Variants in IL17RD observed in about 807,000 individuals in gnomAD.
The protein encoded by IL17RD is interleukin-17 receptor D.
In IL17RD, 52 loss-of-function variants were observed where a neutral mutation model predicts 80.5. The observed-to-expected ratio is 0.65, with a 90% CI of 0.52 to 0.81. The LOEUF is 0.81. Among genes scored for constraint, IL17RD ranks in the 40% least tolerant of loss-of-function variants. The probability of loss-of-function intolerance (pLI) is 0.00; values close to 1 mark genes in which losing one functional copy is unlikely to be tolerated. For missense variants in IL17RD, 1,024 were observed against 955.1 expected, an observed-to-expected ratio of 1.07 and a Z score of -0.95; for synonymous variants, 416 against 391.8, an observed-to-expected ratio of 1.06 and a Z score of -0.73.
intron 11 of IL17RD, 60 bp from the exon 12 acceptor site, chr3:57,098,598 G>A: frequency 8.8e-7 from 1 of 1,130,988 alleles, no homozygotes; most frequent in Non-Finnish European, 1.3e-6. Context: ...CTCGGGAAGT[G>A]AGTAACAGGA....
intron 2 of IL17RD, among the ~76,000 whole-genome samples, chr3:57,118,664 A>G (rs2107496302): frequency 6.6e-6 from 1 of 152,308 alleles, no homozygotes; most frequent in Non-Finnish European, 1.5e-5. Flanking sequence ...TTCAGTCAGA[A>G]AGAGTCACCC....
At chr3:57,123,038 C>T (rs1330478140) in intron 1 of IL17RD, among the ~76,000 whole-genome samples, 2 of 152,008 alleles carry the variant, frequency 1.3e-5, no homozygotes, top group Non-Finnish European at 2.9e-5. Context: ...TGGAAAGGAG[C>T]CCAAGACAGT....
intron 10 of IL17RD, 117 bp from the exon 11 acceptor site, chr3:57,101,480 T>G: frequency 1.6e-6 from 1 of 624,266 alleles, no homozygotes; most frequent in Non-Finnish European, 2.7e-6. Context: ...AGCAGTCCCA[T>G]TCCCCAACTC....
chr3:57,132,298 T>C (rs1579296975), intron 1 of IL17RD, among the ~76,000 whole-genome samples: 1 of 148,228 alleles, frequency 6.7e-6, no homozygotes, highest in Non-Finnish European at 1.5e-5. Context: ...TGGCTAATAA[T>C]ACAAAAAAAA....
chr3:57,099,054 C>T (rs917009144), intron 11 of IL17RD, among the ~76,000 whole-genome samples: 2 of 152,180 alleles, frequency 1.3e-5, no homozygotes, highest in African/African-American at 2.4e-5. Flanking sequence ...ATGCCAGTCA[C>T]CCACAATTAT....
Position 57,092,494 on chromosome 3 carries a change from CAGG to C in IL17RD, c.*3896_*3898del, listed in dbSNP as rs1190856499. 2 of 151,920 alleles carry C rather than the reference CAGG, an allele frequency of 1.3e-5. No individual in the cohort carries two copies. Among genetic ancestry groups the C allele is most frequent in the African/African-American group, 4.8e-5 (2 of 41,328 alleles). The allele number at this position is 151,920 out of a possible 1,614,324, so 9.4% of individuals were successfully genotyped here. On this transcript the variant is annotated 3_prime_UTR_variant, in exon 13 of 13. Transcript: ENST00000296318. ...GTCCCAGCTACTCAGGAGGCTGAGG[CAGG>C]AGAATGGCGTGAACCCGGGAGGTGG...
chr3:57,137,023 G>A (rs922680613), intron 1 of IL17RD, among the ~76,000 whole-genome samples: 3 of 152,190 alleles, frequency 2.0e-5, no homozygotes, highest in African/African-American at 7.2e-5. Flanking sequence ...TGTCTTCAGA[G>A]GAGGCATGTC....
intron 11 of IL17RD, 53 bp downstream of exon 11, chr3:57,101,126 G>T: frequency 6.8e-7 from 1 of 1,470,632 alleles, no homozygotes; most frequent in Non-Finnish European, 9.4e-7. Context: ...CGGGGAGAGA[G>T]TACAGGGCAA....
In IL17RD at chr3:57,127,395, AAT is replaced by A. The variant is rs369292371; in HGVS notation, c.127-7084_127-7083del. Among the ~76,000 whole-genome samples the A allele has an allele frequency of 3.8e-3, 325 of 86,598 alleles. 23 individuals carry two copies. The highest frequency in any genetic ancestry group is 0.015 in the African/African-American group (260 of 17,802). 56.8% of individuals were successfully genotyped at this position (86,598 alleles called of 152,430 possible). A position where few individuals can be genotyped will look rare whatever the true frequency, so the allele number is the denominator to read the frequency against. On this transcript the variant is annotated intron_variant, in intron 1 of 12. Coordinates refer to ENST00000296318, the MANE Select transcript of IL17RD (RefSeq NM_017563.5). ...ATATATATAAATAAATAAATAAATA[AAT>A]ATATATATATATATATTTTTTTTTT...
intron 1 of IL17RD, among the ~76,000 whole-genome samples, chr3:57,127,412 A>ATATATATTTTTTTT (rs1246159104): frequency 2.2e-5 from 2 of 91,216 alleles, no homozygotes; most frequent in African/African-American, 9.8e-5. Flanking sequence ...ATATATATAT[A>ATATATATTTTTTTT]TTTTTTTTTT....
At chr3:57,134,838 G>C (rs1342897493) in intron 1 of IL17RD, 6 of 362,550 alleles carry the variant, frequency 1.7e-5, no homozygotes, top group Non-Finnish European at 3.2e-5. Flanking sequence ...TGGGGGCTAG[G>C]TGTGGTGGCT....
upstream of IL17RD, among the ~76,000 whole-genome samples, chr3:57,166,558 A>G (rs1045289608): frequency 2.0e-5 from 3 of 151,758 alleles, no homozygotes; most frequent in Non-Finnish European, 4.4e-5. Context: ...ACCACCAACA[A>G]AAAAAAACAG....
At chr3:57,120,701 C>T (rs894970375) in intron 1 of IL17RD, among the ~76,000 whole-genome samples, 3 of 152,234 alleles carry the variant, frequency 2.0e-5, no homozygotes, top group South Asian at 2.1e-4. Flanking sequence ...CTACTCCAGA[C>T]GCCCTCATCC....
chr3:57,127,059 A>T (rs931901138), intron 1 of IL17RD, among the ~76,000 whole-genome samples: 1 of 150,532 alleles, frequency 6.6e-6, no homozygotes, highest in Non-Finnish European at 1.5e-5. Flanking sequence ...TCCTGACCTC[A>T]GGTGATCCAC....
intron 1 of IL17RD, among the ~76,000 whole-genome samples, chr3:57,123,128 G>T (rs9861847): frequency 1.3e-5 from 2 of 152,136 alleles, no homozygotes; most frequent in East Asian, 1.9e-4. Flanking sequence ...CTGTTCAGAG[G>T]GGGGTCCAGT....
chr3:57,142,681 G>A (rs1035994039), intron 1 of IL17RD: 2 of 157,058 alleles, frequency 1.3e-5, no homozygotes, highest in Admixed American at 1.3e-4. Context: ...AAAGTTGGGC[G>A]GGGCGGGGGG....
intron 1 of IL17RD, among the ~76,000 whole-genome samples, chr3:57,163,506 A>C (rs1353046153): frequency 6.6e-6 from 1 of 152,114 alleles, no homozygotes; most frequent in Non-Finnish European, 1.5e-5. Flanking sequence ...TGGCAACTGC[A>C]GCAAAACAGT....
intron 7 of IL17RD, among the ~76,000 whole-genome samples, chr3:57,104,731 G>C (rs1462339686): frequency 1.3e-5 from 2 of 152,178 alleles, no homozygotes; most frequent in Non-Finnish European, 2.9e-5. Flanking sequence ...GAAATTACCA[G>C]TCTGTGTTTA....
At chr3:57,097,548 T>C in intron 12 of IL17RD, 48 bp downstream of exon 12, 1 of 1,422,824 alleles carries the variant, frequency 7.0e-7, no homozygotes, top group East Asian at 2.5e-5. Flanking sequence ...TTCAGAAGCA[T>C]GGTCAAAGGC....
Sources: gnomAD v4.1 joint callset for allele counts (sites outside exome capture counted in the v4.1 genomes callset) on GRCh38, gnomAD v4.1.1 for gene constraint, MANE v1.5 for transcripts, NCBI Gene and HGNC (gene_info 2026-07-23, HGNC 2026-07-21) for gene names.